CNBD1: variants seen among roughly 807,000 people sequenced by gnomAD.
The protein encoded by CNBD1 is cyclic nucleotide binding domain containing 1.
A neutral mutation model predicts 54.4 loss-of-function variants in CNBD1; 71 were observed. That is an observed-to-expected ratio of 1.30 (90% CI 1.08 to 1.59). The LOEUF is 1.59. CNBD1 is among the 40% of genes most tolerant of loss of function. The pLI is 0.00. For synonymous variants in CNBD1, 182 were observed against 170.7 expected (o/e 1.07, Z -0.51); for missense variants, 659 against 518.0 (o/e 1.27, Z -2.64).
intron 8 of CNBD1, among the ~76,000 whole-genome samples, chr8:87,342,715 A>G (rs547383096): frequency 6.3e-4 from 96 of 152,206 alleles, no homozygotes; most frequent in East Asian, 1.6e-3. Context: ...GCAGGTTTTT[A>G]TTAGGGATTT....
chr8:87,268,229 T>C (rs189635013), intron 6 of CNBD1, among the ~76,000 whole-genome samples: 5 of 152,274 alleles, frequency 3.3e-5, no homozygotes, highest in Admixed American at 1.3e-4. Flanking sequence ...TCTTCATTAA[T>C]TTACTTAGAT....
rs148232122 is a variant in CNBD1, at chr8:87,415,133, T to G, written c.214-13413T>G. ...GTATCCCCAAAGGTGCTTTACCACA[T>G]GTACATTGATTTCTGCATTCTGCAC... On this transcript the variant is annotated intron_variant, in intron 2 of 7. Coordinates refer to the CNBD1 transcript ENST00000521593. 9.1e-4 allele frequency among the ~76,000 whole-genome samples: 138 copies of G among 152,190 alleles called. 2 individuals are homozygous for G. The highest frequency in any genetic ancestry group is 1.3e-3 in the Non-Finnish European group (87 of 67,992).
At chr8:87,111,534 T>C (rs756156070) in intron 4 of CNBD1, among the ~76,000 whole-genome samples, 4 of 152,194 alleles carry the variant, frequency 2.6e-5, no homozygotes, top group Admixed American at 1.3e-4. Context: ...TGCCAGGGAA[T>C]TGCAGTTATT....
chr8:87,237,706 T>A (rs1807611088), intron 6 of CNBD1, among the ~76,000 whole-genome samples: 1 of 152,100 alleles, frequency 6.6e-6, no homozygotes, highest in Admixed American at 6.6e-5. Flanking sequence ...GATAGTCAGT[T>A]CTCAATTTAG....
intron 6 of CNBD1, among the ~76,000 whole-genome samples, chr8:87,271,057 T>C (rs1808352813): frequency 6.6e-6 from 1 of 151,788 alleles, no homozygotes; most frequent in South Asian, 2.1e-4. Flanking sequence ...AATTTGTCGT[T>C]GTATAGTTGT....
chr8:86,947,937 T>C (rs986285913), intron 4 of CNBD1, among the ~76,000 whole-genome samples: 10 of 152,150 alleles, frequency 6.6e-5, no homozygotes, highest in Admixed American at 2.0e-4. Context: ...CTGGTAACCA[T>C]ACTTCTACAC....
chr8:87,038,394 A>G (rs371547967), intron 4 of CNBD1, among the ~76,000 whole-genome samples: 11 of 152,180 alleles, frequency 7.2e-5, no homozygotes, highest in African/African-American at 2.7e-4. Flanking sequence ...TTCAGAGGCT[A>G]GGGTTTTTCA....
chr8:87,413,188 G>A (rs185706409), intron 2 of CNBD1, among the ~76,000 whole-genome samples: 44 of 152,140 alleles, frequency 2.9e-4, no homozygotes, highest in Non-Finnish European at 5.4e-4. Flanking sequence ...ATGACACAGG[G>A]TTGTGAAATT....
rs372474493 is a variant in CNBD1 at position 86,963,025 on chromosome 8, C to G, written c.431+23271C>G. On this transcript the variant is annotated intron_variant, in intron 4 of 10. Coordinates refer to ENST00000518476, the MANE Select transcript of CNBD1 (RefSeq NM_173538.3). ...CAGGCTGAAAATGATTCACTGGTTA[C>G]CCATCTGGAAAGAGGAGTAAAAGGC... Among the ~76,000 whole-genome samples, 5 of 152,222 alleles carry G rather than the reference C, an allele frequency of 3.3e-5. No individual in the cohort carries two copies. In the South Asian group the frequency reaches 1.0e-3, roughly 32 times the overall value.
chr8:87,180,785 C>T (rs1813295965), intron 4 of CNBD1, among the ~76,000 whole-genome samples: 1 of 152,058 alleles, frequency 6.6e-6, no homozygotes, highest in African/African-American at 2.4e-5. Context: ...TCAGGCAGTC[C>T]ATATTTTATG....
rs1352676025 is a variant in CNBD1 at position 87,324,377 on chromosome 8, G to A, written c.1043-27308G>A. On this transcript the variant is annotated intron_variant, in intron 8 of 10. Coordinates refer to ENST00000518476, the MANE Select transcript of CNBD1 (RefSeq NM_173538.3). ...TGATTGGAATAATTTCAGAAGGAAT[G>A]GTACCAGTTCCTCCTTGTACCTCTG... 6.3e-5 allele frequency among the ~76,000 whole-genome samples: 8 copies of A among 127,140 alleles called. 1 individual carries two copies. Among genetic ancestry groups the A allele is most frequent in the African/African-American group, 2.3e-4 (8 of 34,596 alleles). 83.4% of individuals were successfully genotyped at this position (127,140 alleles called of 152,430 possible).
At chr8:87,423,606 T>C (rs2130994998) in intron 2 of CNBD1, among the ~76,000 whole-genome samples, 1 of 148,084 alleles carries the variant, frequency 6.8e-6, no homozygotes, top group South Asian at 2.1e-4. Context: ...TGAACCAGCC[T>C]TGCATCCCAG....
rs376877791 is a variant in CNBD1 at position 87,324,977 on chromosome 8, C to T, written c.1043-26708C>T. On this transcript the variant is annotated intron_variant, in intron 8 of 10. Coordinates refer to ENST00000518476, the MANE Select transcript of CNBD1 (RefSeq NM_173538.3). Reference sequence around the variant, plus strand: ...TTCCCTCTACACACTGCTTTGAATGCGTCCCAGAGATTCTGGTATGTTGTG... The same window carrying T: ...TTCCCTCTACACACTGCTTTGAATGTGTCCCAGAGATTCTGGTATGTTGTG... Among the ~76,000 whole-genome samples, 7 of 106,104 alleles carry T rather than the reference C, an allele frequency of 6.6e-5. 1 individual carries two copies. Among genetic ancestry groups the T allele is most frequent in the South Asian group, 5.1e-4 (2 of 3,932 alleles). 69.6% of individuals were successfully genotyped at this position (106,104 alleles called of 152,430 possible).
intron 6 of CNBD1, among the ~76,000 whole-genome samples, chr8:87,273,413 GGAGAC>G (rs1808408713): frequency 6.6e-6 from 1 of 151,900 alleles, no homozygotes; most frequent in Non-Finnish European, 1.5e-5. Context: ...AACAGAAAAG[GGAGAC>G]TGTTGTTCCA....
At chr8:86,963,098 A>G (rs1807974629) in intron 4 of CNBD1, among the ~76,000 whole-genome samples, 2 of 152,140 alleles carry the variant, frequency 1.3e-5, no homozygotes, top group Admixed American at 6.5e-5. Flanking sequence ...GGTATGTGAC[A>G]GGGAGAAAAG....
chr8:87,187,136 G>A (rs1436174427), intron 4 of CNBD1, among the ~76,000 whole-genome samples: 4 of 151,286 alleles, frequency 2.6e-5, no homozygotes, highest in Non-Finnish European at 5.9e-5. Flanking sequence ...TCTCCAAAAA[G>A]GCAACATTTT....
chr8:87,188,468 A>G (rs1273433509), intron 4 of CNBD1, among the ~76,000 whole-genome samples: 1 of 152,188 alleles, frequency 6.6e-6, no homozygotes, highest in Non-Finnish European at 1.5e-5. Flanking sequence ...GGTGGTTCAC[A>G]CCAGCAATCC....
intron 2 of CNBD1, among the ~76,000 whole-genome samples, 178 bp downstream of exon 2, chr8:86,887,789 A>G (rs1034659220): frequency 2.6e-5 from 4 of 152,184 alleles, no homozygotes; most frequent in Non-Finnish European, 4.4e-5. Flanking sequence ...CAGAATATAT[A>G]TGTCACATCT....
At chr8:87,345,208 A>T (rs1810145417) in intron 8 of CNBD1, among the ~76,000 whole-genome samples, 1 of 152,156 alleles carries the variant, frequency 6.6e-6, no homozygotes, top group South Asian at 2.1e-4. Flanking sequence ...ATATACACTT[A>T]TCTATTTAAG....
Sources: allele counts gnomAD v4.1 joint callset (sites outside exome capture counted in the v4.1 genomes callset), GRCh38; gene constraint gnomAD v4.1.1; transcripts MANE v1.5; gene names NCBI Gene and HGNC (gene_info 2026-07-23, HGNC 2026-07-21).